SLC71A2: variants seen among roughly 807,000 people sequenced by gnomAD.
The protein encoded by SLC71A2 is solute carrier family 71 member 2, also known as hippocampus abundant transcript-like 1.
chr9:94,399,335 G>C, the SLC71A2 span, among the ~76,000 whole-genome samples: 3 of 152,088 alleles, frequency 2.0e-5, no homozygotes, highest in Admixed American at 6.6e-5. Context: ...TTGAAACCAA[G>C]ATGTGTCACA....
chr9:94,395,804 C>T, the SLC71A2 span, among the ~76,000 whole-genome samples: 1 of 152,156 alleles, frequency 6.6e-6, no homozygotes, highest in Non-Finnish European at 1.5e-5. Context: ...CTAGTGAGCT[C>T]TCTGGCCTGC....
At chr9:94,456,984 C>T in the SLC71A2 span, among the ~76,000 whole-genome samples, 1 of 138,764 alleles carries the variant, frequency 7.2e-6, no homozygotes, top group Non-Finnish European at 1.6e-5. Context: ...CCACCTCCTA[C>T]CCCTTACAGG....
the SLC71A2 span, among the ~76,000 whole-genome samples, chr9:94,449,312 A>G: frequency 6.6e-6 from 1 of 152,242 alleles, no homozygotes; most frequent in African/African-American, 2.4e-5. Flanking sequence ...TGCATGTGAT[A>G]TTTGAAGATC....
chr9:94,381,704 C>T, the SLC71A2 span, among the ~76,000 whole-genome samples: 2 of 152,164 alleles, frequency 1.3e-5, no homozygotes, highest in Non-Finnish European at 2.9e-5. Context: ...GGCATGGTGG[C>T]TCATGCGTGT....
At chr9:94,438,154 T>A in the SLC71A2 span, among the ~76,000 whole-genome samples, 3 of 152,146 alleles carry the variant, frequency 2.0e-5, no homozygotes, top group Non-Finnish European at 4.4e-5. Flanking sequence ...GCCAGACTGG[T>A]CTTGAACTCC....
the SLC71A2 span, among the ~76,000 whole-genome samples, chr9:94,447,460 G>T: frequency 6.7e-6 from 1 of 150,222 alleles, no homozygotes; most frequent in Admixed American, 6.6e-5. Context: ...GATTACAGGC[G>T]TGAGCCACTG....
the SLC71A2 span, among the ~76,000 whole-genome samples, chr9:94,434,165 A>G: frequency 2.6e-5 from 4 of 152,244 alleles, no homozygotes; most frequent in Non-Finnish European, 5.9e-5. Flanking sequence ...AATATTCTAC[A>G]TTAAACTTAA....
the SLC71A2 span, among the ~76,000 whole-genome samples, chr9:94,433,843 GT>G: frequency 1.3e-5 from 2 of 152,036 alleles, no homozygotes; most frequent in Non-Finnish European, 2.9e-5. Context: ...AATCTGAAAT[GT>G]TTTTTCTCAT....
At chr9:94,459,476 T>C in the SLC71A2 span, 1 of 1,580,346 alleles carries the variant, frequency 6.3e-7, no homozygotes, top group Non-Finnish European at 8.6e-7. Context: ...GCCACACCCC[T>C]GGTGACTTCA....
chr9:94,441,118 TA>T, the SLC71A2 span: 1 of 1,347,106 alleles, frequency 7.4e-7, no homozygotes, highest in Non-Finnish European at 1.0e-6. Flanking sequence ...ATAGACTATA[TA>T]TATTTTTTAA....
At chr9:94,426,965 A>T in the SLC71A2 span, among the ~76,000 whole-genome samples, 1 of 152,178 alleles carries the variant, frequency 6.6e-6, no homozygotes, top group Non-Finnish European at 1.5e-5. Flanking sequence ...CTTCCTCAGT[A>T]GCTAGGATTA....
chr9:94,378,304 G>A, the SLC71A2 span, among the ~76,000 whole-genome samples: 4 of 151,828 alleles, frequency 2.6e-5, no homozygotes, highest in African/African-American at 9.7e-5. Flanking sequence ...GACAGAAGGC[G>A]AAGGGGAAGC....
the SLC71A2 span, among the ~76,000 whole-genome samples, chr9:94,385,949 T>C: frequency 6.6e-6 from 1 of 152,144 alleles, no homozygotes; most frequent in Non-Finnish European, 1.5e-5. Flanking sequence ...AGTGCAGTGG[T>C]GTGGTCGTGG....
At chr9:94,439,038 T>TTTTTTTTC in the SLC71A2 span, among the ~76,000 whole-genome samples, 1 of 134,274 alleles carries the variant, frequency 7.4e-6, no homozygotes, top group Non-Finnish European at 1.6e-5. Flanking sequence ...TTTTTTTTTT[T>TTTTTTTTC]GGAGACGGAG....
At chr9:94,428,046 C>T in the SLC71A2 span, among the ~76,000 whole-genome samples, 1 of 151,938 alleles carries the variant, frequency 6.6e-6, no homozygotes, top group African/African-American at 2.4e-5. Flanking sequence ...TCGCTTGAAC[C>T]TGAGAGGCGG....
At chr9:94,441,143 T>G in the SLC71A2 span, 5 of 1,076,190 alleles carry the variant, frequency 4.6e-6, no homozygotes, top group Non-Finnish European at 6.8e-6. Flanking sequence ...GAATAGTAAT[T>G]AACATTGTAT....
the SLC71A2 span, among the ~76,000 whole-genome samples, chr9:94,447,646 A>G: frequency 2.6e-5 from 4 of 152,258 alleles, no homozygotes; most frequent in Admixed American, 2.6e-4. Flanking sequence ...AATTTTTACA[A>G]CTGATGAACC....
chr9:94,391,698 G>C, the SLC71A2 span, among the ~76,000 whole-genome samples: 2 of 148,732 alleles, frequency 1.3e-5, no homozygotes, highest in Non-Finnish European at 3.0e-5. Context: ...GACCAGCCTG[G>C]CCAACATAGT....
At chr9:94,423,266 T>TC in the SLC71A2 span, among the ~76,000 whole-genome samples, 132 of 32,046 alleles carry the variant, frequency 4.1e-3, no homozygotes, top group Non-Finnish European at 6.7e-3. Context: ...TCTCTCTCTC[T>TC]TTTTTTTTTT....
Sources: allele counts gnomAD v4.1 joint callset (sites outside exome capture counted in the v4.1 genomes callset), GRCh38; gene constraint gnomAD v4.1.1; transcripts MANE v1.5; gene names NCBI Gene and HGNC (gene_info 2026-07-23, HGNC 2026-07-21).